Variants in CGNL1 observed in about 807,000 individuals in gnomAD.
The protein encoded by CGNL1 is cingulin like 1.
CGNL1 carries 132 observed loss-of-function variants against 141.2 expected under a neutral mutation model. The ratio of observed to expected loss-of-function variants is 0.93; its 90% confidence interval spans 0.81 to 1.08. The LOEUF (loss-of-function observed/expected upper bound fraction) is 1.08. Ranked by LOEUF, CGNL1 falls within the 50% of genes least tolerant of loss-of-function variation. CGNL1 has a pLI of 0.00. For synonymous variants in CGNL1, 690 were observed against 622.1 expected, an observed-to-expected ratio of 1.11 and a Z score of -1.63; for missense variants, 1,870 against 1,588.6, an observed-to-expected ratio of 1.18 and a Z score of -3.01.
At chr15:57,377,460 A>G (rs1293924743) in intron 1 of CGNL1, among the ~76,000 whole-genome samples, 1 of 152,114 alleles carries the variant, frequency 6.6e-6, no homozygotes, top group African/African-American at 2.4e-5. Context: ...GGTGATTCTA[A>G]TGTGCAGGCA....
chr15:57,390,582 T>C (rs375760360), intron 1 of CGNL1, among the ~76,000 whole-genome samples: 136 of 152,290 alleles, frequency 8.9e-4, no homozygotes, highest in South Asian at 5.4e-3. Context: ...TGGTAGAGAA[T>C]GAATAAGACG....
intron 7 of CGNL1, among the ~76,000 whole-genome samples, chr15:57,455,615 C>T (rs1442141676): frequency 6.6e-6 from 1 of 152,180 alleles, no homozygotes; most frequent in African/African-American, 2.4e-5. Flanking sequence ...ACATCTAGCA[C>T]AGTGCCAAGC....
At chr15:57,418,539 G>A (rs1044180432) in intron 1 of CGNL1, among the ~76,000 whole-genome samples, 27 of 152,166 alleles carry the variant, frequency 1.8e-4, no homozygotes, top group Non-Finnish European at 3.1e-4. Flanking sequence ...CCTTCTGTAA[G>A]ATGGCAGTTT....
intron 8 of CGNL1, among the ~76,000 whole-genome samples, chr15:57,507,775 C>T (rs2064123420): frequency 6.6e-6 from 1 of 152,146 alleles, no homozygotes; most frequent in Non-Finnish European, 1.5e-5. Flanking sequence ...AAACATGAGG[C>T]AGTAGGAGTA....
chr15:57,433,769 A>G (rs1292368315), intron 1 of CGNL1, among the ~76,000 whole-genome samples: 1 of 152,214 alleles, frequency 6.6e-6, no homozygotes, highest in African/African-American at 2.4e-5. Flanking sequence ...GACTGATGAC[A>G]GCTGGGAGCT....
In CGNL1 at chr15:57,438,232, C is replaced by A; in HGVS notation, c.233C>A (p.Pro78His). Residue 78 changes from proline to histidine, a missense_variant, in exon 2 of 19, where the codon CCT (proline) becomes CAT (histidine). Coordinates refer to ENST00000281282, the MANE Select transcript of CGNL1 (RefSeq NM_032866.5). Reference protein sequence around the residue: ...SFSENGPPFPPPVINNLPLHS... With the variant: ...SFSENGPPFPHPVINNLPLHS... Reference sequence around the variant, plus strand: ...TCTGAAAATGGGCCACCCTTTCCACCTCCAGTGATAAATAACCTGCCTCTA... The same window carrying A: ...TCTGAAAATGGGCCACCCTTTCCACATCCAGTGATAAATAACCTGCCTCTA... 6.2e-7 allele frequency: 1 copy of A among 1,614,192 alleles called. No individual in the cohort carries two copies. The highest frequency in any genetic ancestry group is 8.5e-7 in the Non-Finnish European group (1 of 1,180,022).
At chr15:57,454,310 A>T (rs2063354572) in intron 7 of CGNL1, among the ~76,000 whole-genome samples, 1 of 152,160 alleles carries the variant, frequency 6.6e-6, no homozygotes, top group Admixed American at 6.5e-5. Flanking sequence ...AACAAAGCCA[A>T]AAAAATTAAA....
At chr15:57,492,293 T>C (rs1288819628) in intron 8 of CGNL1, among the ~76,000 whole-genome samples, 1 of 152,186 alleles carries the variant, frequency 6.6e-6, no homozygotes, top group East Asian at 1.9e-4. Flanking sequence ...ATTCAAAAGA[T>C]GAGGTGGGCC....
At chr15:57,430,595 C>G (rs1055752545) in intron 1 of CGNL1, among the ~76,000 whole-genome samples, 5 of 152,036 alleles carry the variant, frequency 3.3e-5, no homozygotes, top group Admixed American at 6.6e-5. Context: ...GAAGTGGGAC[C>G]CATCCACAGG....
chr15:57,505,527 G>A (rs544737663), intron 8 of CGNL1, among the ~76,000 whole-genome samples: 25 of 152,202 alleles, frequency 1.6e-4, no homozygotes, highest in African/African-American at 5.8e-4. Context: ...GTAGGAGCCT[G>A]GTCTGCTCAG....
intron 1 of CGNL1, chr15:57,406,035 G>C (rs1266989964): frequency 3.9e-5 from 6 of 152,372 alleles, no homozygotes; most frequent in Non-Finnish European, 1.5e-5. Context: ...AAGCAAAGCA[G>C]AGGTGGAGAA....
At chr15:57,458,929 A>C (rs570035688) in intron 7 of CGNL1, among the ~76,000 whole-genome samples, 2 of 152,210 alleles carry the variant, frequency 1.3e-5, no homozygotes, top group African/African-American at 2.4e-5. Flanking sequence ...GCAAAATCTT[A>C]GTCTGTGCAA....
intron 8 of CGNL1, among the ~76,000 whole-genome samples, chr15:57,486,568 G>A (rs2063788151): frequency 6.6e-6 from 1 of 152,188 alleles, no homozygotes; most frequent in Non-Finnish European, 1.5e-5. Context: ...CCTCCTCACA[G>A]CTGTGGATTG....
At chr15:57,544,956 T>G (rs2032776191) in intron 16 of CGNL1, among the ~76,000 whole-genome samples, 1 of 152,248 alleles carries the variant, frequency 6.6e-6, no homozygotes, top group Non-Finnish European at 1.5e-5. Flanking sequence ...GCCAGAAGGC[T>G]GACTCTGCCC....
intron 10 of CGNL1, among the ~76,000 whole-genome samples, chr15:57,520,419 C>A (rs1459612933): frequency 6.6e-6 from 1 of 152,154 alleles, no homozygotes; most frequent in Non-Finnish European, 1.5e-5. Context: ...TGCATCTTCA[C>A]GTATGATAAA....
chr15:57,502,161 T>G (rs2064034062), intron 8 of CGNL1, among the ~76,000 whole-genome samples: 1 of 152,098 alleles, frequency 6.6e-6, no homozygotes. Flanking sequence ...CAGTTTAGCC[T>G]AAGAGGAAAA....
chr15:57,524,936 C>T (rs2031519580), intron 12 of CGNL1, among the ~76,000 whole-genome samples, 185 bp downstream of exon 12: 1 of 152,130 alleles, frequency 6.6e-6, no homozygotes, highest in Admixed American at 6.5e-5. Flanking sequence ...GACCCACCGG[C>T]GGACTGTGAG....
intron 1 of CGNL1, among the ~76,000 whole-genome samples, chr15:57,437,173 C>G (rs1295565555): frequency 6.6e-6 from 1 of 152,098 alleles, no homozygotes; most frequent in Non-Finnish European, 1.5e-5. Flanking sequence ...TGGCCACACA[C>G]CAGAAAGGCA....
intron 8 of CGNL1, among the ~76,000 whole-genome samples, chr15:57,498,983 C>G (rs1042860055): frequency 7.2e-5 from 11 of 152,016 alleles, no homozygotes; most frequent in African/African-American, 2.7e-4. Context: ...TCCTTAAGAG[C>G]GCAAGAAGGC....
Sources: allele counts gnomAD v4.1 joint callset (sites outside exome capture counted in the v4.1 genomes callset), GRCh38; gene constraint gnomAD v4.1.1; transcripts MANE v1.5; gene names NCBI Gene and HGNC (gene_info 2026-07-23, HGNC 2026-07-21).